Variants in RAD21L1 observed in about 807,000 individuals in gnomAD.
RAD21L1 encodes RAD21 cohesin complex component like 1, also known as double-strand-break repair protein rad21-like protein 1.
In RAD21L1, 47 loss-of-function variants were observed where a neutral mutation model predicts 69.0. The observed-to-expected ratio is 0.68, with a 90% CI of 0.54 to 0.87. The LOEUF is 0.87. RAD21L1 is among the 40% of genes least tolerant of loss of function. The pLI is 0.00. For synonymous variants in RAD21L1, 177 were observed against 205.8 expected (o/e 0.86, Z 1.20); for missense variants, 583 against 647.6 (o/e 0.90, Z 1.08).
In RAD21L1 at chr20:1,229,953, A is replaced by G; in HGVS notation, c.218A>G (p.Tyr73Cys). The G allele has an allele frequency of 6.4e-7, 1 of 1,551,198 alleles. No homozygotes were observed. The highest frequency in any genetic ancestry group is 8.7e-7 in the Non-Finnish European group (1 of 1,146,370). ...CGAATCTATAACAGGAAGGCAAAAT[A>G]TCTTTTGGCAGATTGCAGTGAAGCA... ...VVRIYNRKAKYLLADCSEAFL... is the reference protein window; with the variant it reads ...VVRIYNRKAKCLLADCSEAFL... The change falls in exon 3 of 14, where the codon TAT (tyrosine) becomes TGT (cysteine). Residue 73 changes from tyrosine (Y) to cysteine (C), a missense_variant. Tyr to Cys is a radical substitution (Grantham distance 194). Coordinates refer to ENST00000683101, the MANE Select transcript of RAD21L1 (RefSeq NM_001384355.1).
At chr20:1,253,517 G>A (rs550635973) in intron 13 of RAD21L1, among the ~76,000 whole-genome samples, 13 of 152,214 alleles carry the variant, frequency 8.5e-5, no homozygotes, top group Non-Finnish European at 1.3e-4. Context: ...GACTGGTCTC[G>A]AACTCTTGAC....
At chr20:1,240,459 T>TG in intron 8 of RAD21L1, 25 bp downstream of exon 8, 1 of 1,531,092 alleles carries the variant, frequency 6.5e-7, no homozygotes, top group Non-Finnish European at 8.8e-7. Context: ...CGGTTTTGTT[T>TG]TAATTTTTAA....
intron 13 of RAD21L1, among the ~76,000 whole-genome samples, chr20:1,253,365 C>T (rs1315348231): frequency 6.6e-6 from 1 of 152,068 alleles, no homozygotes; most frequent in Non-Finnish European, 1.5e-5. Flanking sequence ...GGCATGATCT[C>T]GGCTCACTGC....
intron 1 of RAD21L1, among the ~76,000 whole-genome samples, chr20:1,227,664 C>T (rs1174879998): frequency 6.6e-6 from 1 of 152,166 alleles, no homozygotes; most frequent in Non-Finnish European, 1.5e-5. Flanking sequence ...AGTGATAGAG[C>T]CCTATGGTGT....
intron 13 of RAD21L1, among the ~76,000 whole-genome samples, chr20:1,252,112 A>G (rs1202975117): frequency 6.6e-6 from 1 of 152,182 alleles, no homozygotes; most frequent in East Asian, 1.9e-4. Context: ...GGTACAATGA[A>G]AAACTTCTTA....
At chr20:1,243,273 A>G (rs1452033289) in intron 10 of RAD21L1, 77 bp downstream of exon 10, 1 of 668,770 alleles carries the variant, frequency 1.5e-6, no homozygotes, top group Non-Finnish European at 2.5e-6. Context: ...TTTCAAAATG[A>G]AGGTGGGATC....
At chr20:1,250,608 G>A (rs1442773766) in intron 13 of RAD21L1, among the ~76,000 whole-genome samples, 1 of 152,114 alleles carries the variant, frequency 6.6e-6, no homozygotes, top group Non-Finnish European at 1.5e-5. Flanking sequence ...GTCTATCATT[G>A]ATGGACATTT....
intron 13 of RAD21L1, among the ~76,000 whole-genome samples, chr20:1,249,395 G>A (rs889123574): frequency 5.9e-5 from 9 of 152,126 alleles, no homozygotes; most frequent in Non-Finnish European, 1.2e-4. Flanking sequence ...GTTTGATTGC[G>A]ACAGGGAGCC....
intron 13 of RAD21L1, among the ~76,000 whole-genome samples, chr20:1,252,962 A>G (rs2087864940): frequency 6.6e-6 from 1 of 152,192 alleles, no homozygotes. Context: ...CTTATGTTTA[A>G]TCTTGCATAT....
Position 1,238,150 on chromosome 20 carries a change from A to G in RAD21L1, c.582A>G (p.Glu194=). 3 of 1,545,754 alleles carry G rather than the reference A, an allele frequency of 1.9e-6. No homozygotes were observed. The highest frequency in any genetic ancestry group is 1.2e-5 in the South Asian group (1 of 83,068). ...ATAGTTCTGGAAGCCTCACTGGAGAACGATCTCTATTCTATGACAGTGGAG... is the reference window on the plus strand; with the variant it reads ...ATAGTTCTGGAAGCCTCACTGGAGAGCGATCTCTATTCTATGACAGTGGAG... ...IEHSSGSLTG[E]RSLFYDSGDG... The change falls in exon 6 of 14, where the codon GAA becomes GAG. Residue 194 remains glutamate (E), a synonymous_variant. Coordinates refer to ENST00000683101, the MANE Select transcript of RAD21L1 (RefSeq NM_001384355.1).
In RAD21L1 at chr20:1,240,344, A is replaced by G. The variant is rs1042076575; in HGVS notation, c.766A>G (p.Ile256Val). Residue 256 changes from isoleucine (I) to valine (V), a missense_variant, in exon 8 of 14, where the codon ATA (isoleucine) becomes GTA (valine). Coordinates refer to ENST00000683101, the MANE Select transcript of RAD21L1 (RefSeq NM_001384355.1). ...AGTTGAACCAGATAACTCAGAGTGT[A>G]TATGTGTACCTGAAAATGAAAAAAT... is the stretch of plus-strand genomic sequence containing the variant. The part of the protein sequence containing the change: ...LAVEPDNSEC[I>V]CVPENEKMNE... 4.1e-5 allele frequency: 64 copies of G among 1,548,702 alleles called. No individual in the cohort carries two copies. Among genetic ancestry groups the G allele is most frequent in the Non-Finnish European group, 5.1e-5 (58 of 1,145,888 alleles).
At chr20:1,229,775 T>G in intron 2 of RAD21L1, 105 bp from the exon 3 acceptor site, 1 of 822,230 alleles carries the variant, frequency 1.2e-6, no homozygotes, top group South Asian at 2.3e-5. Flanking sequence ...ATACAAAATA[T>G]CTGCTTTTTT....
chr20:1,252,366 G>T (rs982824671), intron 13 of RAD21L1, among the ~76,000 whole-genome samples: 3 of 152,114 alleles, frequency 2.0e-5, no homozygotes, highest in African/African-American at 7.2e-5. Context: ...ACCTTCCCTA[G>T]ATTGTATTAT....
chr20:1,237,376 G>A (rs1261272060), intron 5 of RAD21L1, among the ~76,000 whole-genome samples: 2 of 152,136 alleles, frequency 1.3e-5, no homozygotes, highest in East Asian at 3.8e-4. Context: ...TTATTATAGT[G>A]TGACTGTGTG....
intron 5 of RAD21L1, among the ~76,000 whole-genome samples, chr20:1,237,106 T>C (rs2087510714): frequency 6.6e-6 from 1 of 152,254 alleles, no homozygotes; most frequent in African/African-American, 2.4e-5. Context: ...ATAGAAGAAT[T>C]TTCAATATGG....
In RAD21L1 at chr20:1,227,525, C is replaced by G. The variant is rs1011395473; in HGVS notation, c.-32-897C>G. 2.0e-5 allele frequency among the ~76,000 whole-genome samples: 3 copies of G among 152,264 alleles called. No individual in the cohort carries two copies. The South Asian group carries it at 6.2e-4, about 32-fold the overall frequency. ...GCTCAGTTTTCTCTTTTATCAGTAT[C>G]TTAAGTAGAAAAGAAGCAAAAAGAA... On this transcript the variant is annotated intron_variant, in intron 1 of 13. Transcript: ENST00000683101.
In RAD21L1 at chr20:1,242,612, T is replaced by C. The variant is rs1374750483; in HGVS notation, c.857-7T>C. 2 of 1,533,860 alleles carry C rather than the reference T, an allele frequency of 1.3e-6. No individual in the cohort carries two copies. Among genetic ancestry groups the C allele is most frequent in the African/African-American group, 1.4e-5 (1 of 72,784 alleles). ...CCAATCACATTTGTGCTATTTCTTA[T>C]ATTTAGACATTGCTGAGAAAAGGAA... is the stretch of plus-strand genomic sequence containing the variant. On this transcript the variant is annotated splice_polypyrimidine_tract_variant and splice_region_variant and intron_variant, in intron 8 of 13. Coordinates refer to ENST00000683101, the MANE Select transcript of RAD21L1 (RefSeq NM_001384355.1).
intron 9 of RAD21L1, 99 bp from the exon 10 acceptor site, chr20:1,242,998 T>C (rs2087646939): frequency 1.1e-6 from 1 of 932,388 alleles, no homozygotes; most frequent in Admixed American, 2.7e-5. Context: ...GTATTGTGTG[T>C]ATGAATTATA....
intron 6 of RAD21L1, 87 bp downstream of exon 6, chr20:1,238,301 A>G (rs926488882): frequency 2.7e-5 from 27 of 985,754 alleles, no homozygotes; most frequent in Non-Finnish European, 3.8e-5. Context: ...TCAATCTAAA[A>G]TTTCAAATAT....
Sources: gnomAD v4.1 joint callset for allele counts (sites outside exome capture counted in the v4.1 genomes callset) on GRCh38, gnomAD v4.1.1 for gene constraint, MANE v1.5 for transcripts, NCBI Gene and HGNC (gene_info 2026-07-23, HGNC 2026-07-21) for gene names.